The following MYO9A variants were observed in gnomAD, a reference collection of about 807,000 sequenced individuals.
MYO9A encodes unconventional myosin-IXa.
MYO9A carries 103 observed loss-of-function variants against 293.3 expected under a neutral mutation model. The observed-to-expected ratio is 0.35, with a 90% CI of 0.30 to 0.41. The LOEUF (loss-of-function observed/expected upper bound fraction) is 0.41, where lower values mean the gene tolerates loss of function less well. Among genes scored for constraint, MYO9A ranks in the 10% least tolerant of loss-of-function variants. The pLI is 1.00. For synonymous variants in MYO9A, 1,001 were observed against 1,035.7 expected, an observed-to-expected ratio of 0.97 and a Z score of 0.64; for missense variants, 2,685 against 3,033.0, an observed-to-expected ratio of 0.89 and a Z score of 2.69.
intron 34 of MYO9A, among the ~76,000 whole-genome samples, chr15:71,856,792 G>A (rs866111165): frequency 3.3e-5 from 5 of 152,128 alleles, no homozygotes; most frequent in Admixed American, 1.3e-4. Flanking sequence ...GTCTAAGGCA[G>A]AATAGGACAC....
chr15:72,106,376 T>C (rs929345104), intron 1 of MYO9A, among the ~76,000 whole-genome samples: 2 of 152,074 alleles, frequency 1.3e-5, no homozygotes, highest in Non-Finnish European at 2.9e-5. Flanking sequence ...CCTATAGTAT[T>C]AGCTACTCAG....
rs182410555 is a variant in MYO9A, at chr15:72,116,298, T to C, written c.-72+1382A>G. Among the ~76,000 whole-genome samples, 61 of 152,394 alleles carry C rather than the reference T, an allele frequency of 4.0e-4. 2 individuals are homozygous for C. Among genetic ancestry groups the C allele is most frequent in the Admixed American group, 6.5e-4 (10 of 15,308 alleles). ...TTACTTTAACATTTTTTACTGTGTG[T>C]GTGTGTATGACTACAAAGACCTCTT... On this transcript the variant is annotated intron_variant, in intron 1 of 41. Coordinates refer to ENST00000356056, the MANE Select transcript of MYO9A (RefSeq NM_006901.4).
At chr15:71,904,142 G>T in intron 20 of MYO9A, 103 bp from the exon 21 acceptor site, 2 of 897,758 alleles carry the variant, frequency 2.2e-6, no homozygotes, top group Non-Finnish European at 3.5e-6. Flanking sequence ...ATTGACTGGA[G>T]GTTGTCTGGT....
intron 32 of MYO9A, among the ~76,000 whole-genome samples, chr15:71,867,628 T>C (rs539306820): frequency 6.9e-6 from 1 of 145,870 alleles, no homozygotes; most frequent in Non-Finnish European, 1.5e-5. Context: ...TACTTGAGTA[T>C]AAGAAAAGAT....
Position 72,046,585 on chromosome 15 carries a change from A to C in MYO9A, c.-22T>G. 1 of 1,548,026 alleles carries C rather than the reference A, an allele frequency of 6.5e-7. No homozygotes were observed. The stretch of plus-strand genomic sequence containing the variant: ...TCATATTGGATCCTGTCCCATCAGC[A>C]TGGATAGTATATGTTCAAAGTCGTG... On this transcript the variant is annotated 5_prime_UTR_variant, in exon 2 of 42. An upstream start codon of the reference 5' UTR is lost. Coordinates refer to ENST00000356056, the MANE Select transcript of MYO9A (RefSeq NM_006901.4).
chr15:71,908,126 G>T (rs552137757), intron 19 of MYO9A, among the ~76,000 whole-genome samples: 3 of 152,326 alleles, frequency 2.0e-5, no homozygotes, highest in South Asian at 2.1e-4. Context: ...TTTGTATAAG[G>T]TGTAAGGAGG....
At chr15:71,948,174 T>C (rs752743383) in intron 15 of MYO9A, among the ~76,000 whole-genome samples, 5 of 152,220 alleles carry the variant, frequency 3.3e-5, no homozygotes, top group Non-Finnish European at 5.9e-5. Context: ...GCAGTATCAA[T>C]TTGTGGACAT....
chr15:72,100,969 G>A (rs1168422688), intron 1 of MYO9A, among the ~76,000 whole-genome samples: 2 of 128,682 alleles, frequency 1.6e-5, no homozygotes, highest in South Asian at 2.7e-4. Flanking sequence ...GGAGGGAGGT[G>A]GGGGGGTCAG....
chr15:72,080,998 T>C (rs2150368564), intron 1 of MYO9A, among the ~76,000 whole-genome samples: 1 of 152,310 alleles, frequency 6.6e-6, no homozygotes, highest in East Asian at 1.9e-4. Context: ...ACGTCCTTGT[T>C]ATCATAAATA....
intron 32 of MYO9A, among the ~76,000 whole-genome samples, chr15:71,870,538 A>G (rs2056476919): frequency 6.6e-6 from 1 of 152,222 alleles, no homozygotes; most frequent in African/African-American, 2.4e-5. Flanking sequence ...CAATGAATAA[A>G]AAGAGAGACT....
chr15:71,903,868 A>G (rs2057553594), intron 21 of MYO9A, 61 bp downstream of exon 21: 2 of 1,358,378 alleles, frequency 1.5e-6, no homozygotes, highest in South Asian at 1.2e-5. Flanking sequence ...AATAAGCAAG[A>G]TATGTGGGAA....
intron 27 of MYO9A, among the ~76,000 whole-genome samples, chr15:71,884,968 T>C (rs1379248763): frequency 6.7e-6 from 1 of 150,188 alleles, no homozygotes; most frequent in African/African-American, 2.5e-5. Context: ...CCTTTTTTTT[T>C]TTTTTTTTAA....
At chr15:72,089,158 G>T (rs1415204769) in intron 1 of MYO9A, among the ~76,000 whole-genome samples, 7 of 151,856 alleles carry the variant, frequency 4.6e-5, no homozygotes, top group Non-Finnish European at 1.5e-5. Flanking sequence ...AAAAATAATG[G>T]TTTTTGTTTT....
At chr15:71,978,397 A>T in intron 11 of MYO9A, 105 bp from the exon 12 acceptor site, 1 of 848,492 alleles carries the variant, frequency 1.2e-6, no homozygotes, top group Non-Finnish European at 1.7e-6. Flanking sequence ...TAAGATTTTA[A>T]AAATCACCAA....
chr15:72,061,215 G>A (rs2078868534), intron 1 of MYO9A, among the ~76,000 whole-genome samples: 1 of 152,168 alleles, frequency 6.6e-6, no homozygotes, highest in African/African-American at 2.4e-5. Context: ...GGCCTTGGGA[G>A]AGACCCAGTA....
intron 15 of MYO9A, among the ~76,000 whole-genome samples, chr15:71,943,406 C>T (rs1461771148): frequency 6.6e-6 from 1 of 152,008 alleles, no homozygotes; most frequent in East Asian, 1.9e-4. Context: ...TGTATACCAT[C>T]TGCAAGCAGT....
intron 39 of MYO9A, among the ~76,000 whole-genome samples, chr15:71,830,973 CTTTTTTT>C (rs67440366): frequency 2.2e-4 from 23 of 103,090 alleles, no homozygotes; most frequent in Admixed American, 9.5e-4. Context: ...CTGCTTCTTC[CTTTTTTT>C]TTTTTTTTTT....
intron 1 of MYO9A, among the ~76,000 whole-genome samples, chr15:72,103,744 G>A (rs2080474439): frequency 6.6e-6 from 1 of 152,192 alleles, no homozygotes; most frequent in African/African-American, 2.4e-5. Flanking sequence ...ATTATTATAT[G>A]CACATGAAGT....
intron 39 of MYO9A, among the ~76,000 whole-genome samples, chr15:71,838,500 C>T (rs535170018): frequency 6.6e-6 from 1 of 152,236 alleles, no homozygotes; most frequent in South Asian, 2.1e-4. Flanking sequence ...AATATAAAGC[C>T]ATATTGTCAT....
Sources: gnomAD v4.1 joint callset for allele counts (sites outside exome capture counted in the v4.1 genomes callset) on GRCh38, gnomAD v4.1.1 for gene constraint, MANE v1.5 for transcripts, NCBI Gene and HGNC (gene_info 2026-07-23, HGNC 2026-07-21) for gene names.